ZNF679: variants seen among roughly 807,000 people sequenced by gnomAD.
ZNF679 encodes the protein zinc finger protein 679.
A neutral mutation model predicts 13.4 loss-of-function variants in ZNF679; 10 were observed. The ratio of observed to expected loss-of-function variants is 0.75; its 90% CI spans 0.46 to 1.27. ZNF679 has a LOEUF of 1.27. Among genes scored for constraint, ZNF679 ranks in the 50% most tolerant of loss-of-function variants. The pLI is 0.00. For missense variants in ZNF679, 525 were observed against 477.8 expected (o/e 1.10, Z -0.92); for synonymous variants, 179 against 162.5 (o/e 1.10, Z -0.77).
At chr7:64,241,724 G>A (rs1037522139) in intron 1 of ZNF679, among the ~76,000 whole-genome samples, 1 of 152,178 alleles carries the variant, frequency 6.6e-6, no homozygotes, top group African/African-American at 2.4e-5. Flanking sequence ...TAGGACCCAG[G>A]CCGAAAAAGA....
At chr7:64,245,421 AAG>A (rs372896063) in intron 1 of ZNF679, among the ~76,000 whole-genome samples, 28 of 81,196 alleles carry the variant, frequency 3.4e-4, no homozygotes, top group South Asian at 6.7e-4. Flanking sequence ...GAGAGAGAGA[AAG>A]AGAGAGAGAG....
chr7:64,232,983 G>A (rs1387269061), intron 1 of ZNF679, among the ~76,000 whole-genome samples: 4 of 152,218 alleles, frequency 2.6e-5, no homozygotes, highest in Non-Finnish European at 4.4e-5. Context: ...GTTCACCCCT[G>A]TAATCCTGGC....
At chr7:64,260,116 C>A in intron 2 of ZNF679, 105 bp from the exon 3 acceptor site, 1 of 1,027,938 alleles carries the variant, frequency 9.7e-7, no homozygotes, top group East Asian at 2.6e-5. Flanking sequence ...AGAAACACTT[C>A]TTTTTACTCT....
intron 4 of ZNF679, among the ~76,000 whole-genome samples, chr7:64,262,990 AGT>A (rs1460270404): frequency 2.0e-5 from 3 of 152,162 alleles, no homozygotes; most frequent in East Asian, 1.9e-4. Flanking sequence ...TACATTGAAA[AGT>A]GTGTTTATTT....
At chr7:64,265,711 C>A (rs1262751176) in intron 4 of ZNF679, among the ~76,000 whole-genome samples, 185 bp from the exon 5 acceptor site, 1 of 152,086 alleles carries the variant, frequency 6.6e-6, no homozygotes, top group Non-Finnish European at 1.5e-5. Context: ...TTATAAATTT[C>A]CAGCAAAGGT....
chr7:64,235,596 T>C (rs779180264), intron 1 of ZNF679, among the ~76,000 whole-genome samples: 5 of 151,432 alleles, frequency 3.3e-5, no homozygotes, highest in African/African-American at 4.9e-5. Flanking sequence ...CAAGACCAGG[T>C]TGCCCAAAAT....
At chr7:64,252,479 G>A (rs1450281154) in intron 2 of ZNF679, among the ~76,000 whole-genome samples, 2 of 152,096 alleles carry the variant, frequency 1.3e-5, no homozygotes, top group Non-Finnish European at 2.9e-5. Context: ...GTTTTCTCAG[G>A]TGTGTTATTT....
rs759132281 is a variant in ZNF679 at position 64,266,826 on chromosome 7, A to G, written c.1193A>G (p.His398Arg). The G allele has an allele frequency of 6.3e-6, 10 of 1,597,792 alleles. No homozygotes were observed. The highest frequency in any genetic ancestry group is 2.3e-5 in the East Asian group (1 of 43,900). Residue 398 changes from histidine to arginine, a missense_variant, in exon 5 of 5, where the codon CAT becomes CGT. His to Arg is a conservative substitution (Grantham distance 29). Coordinates refer to ENST00000421025, the MANE Select transcript of ZNF679 (RefSeq NM_153363.3). ...AAGTGGTCCTCAAGTCTTGCTAATC[A>G]TAAGAGTATGCATACTGGAGAGAAA... The part of the protein sequence containing the change: ...AFKWSSSLAN[H>R]KSMHTGEKPY...
intron 1 of ZNF679, among the ~76,000 whole-genome samples, chr7:64,231,583 T>C (rs1228207648): frequency 2.0e-5 from 3 of 152,188 alleles, no homozygotes; most frequent in Non-Finnish European, 4.4e-5. Context: ...CAATCTTCAG[T>C]GGGGCTTGGC....
intron 4 of ZNF679, 92 bp downstream of exon 4, chr7:64,261,021 G>T: frequency 7.6e-7 from 1 of 1,313,244 alleles, no homozygotes; most frequent in Non-Finnish European, 1.0e-6. Flanking sequence ...GGGGAGATGT[G>T]CTTCCATGGA....
chr7:64,229,984 T>C (rs1787615246), intron 1 of ZNF679, among the ~76,000 whole-genome samples: 1 of 152,168 alleles, frequency 6.6e-6, no homozygotes, highest in Admixed American at 6.5e-5. Context: ...CGCTTAAATG[T>C]TGGGCCCAGA....
At position 64,266,166 on chromosome 7, in the gene ZNF679, A is replaced by C; in HGVS notation, c.533A>C (p.His178Pro). The stretch of plus-strand genomic sequence containing the variant: ...AATTCCAATAGACATAAGACAAGAC[A>C]TACTGGAAAGAAACATTTCAAATGT... Reference protein sequence around the residue: ...FSNSNRHKTRHTGKKHFKCKK... With the variant: ...FSNSNRHKTRPTGKKHFKCKK... Residue 178 changes from histidine (H) to proline (P), a missense_variant, in exon 5 of 5, where the codon CAT becomes CCT. By Grantham distance (77) the His-to-Pro change is moderately conservative (BLOSUM62 -2). Transcript: ENST00000421025. The C allele has an allele frequency of 6.2e-7, 1 of 1,600,244 alleles. No individual in the cohort carries two copies. Among genetic ancestry groups the C allele is most frequent in the Non-Finnish European group, 8.5e-7 (1 of 1,171,848 alleles).
intron 2 of ZNF679, among the ~76,000 whole-genome samples, chr7:64,251,267 C>G (rs1260506898): frequency 1.3e-5 from 2 of 152,070 alleles, no homozygotes; most frequent in African/African-American, 4.8e-5. Context: ...GCCTGGCCAA[C>G]ATGATGAAAC....
At chr7:64,247,822 A>G (rs1787888428) in intron 1 of ZNF679, among the ~76,000 whole-genome samples, 2 of 151,108 alleles carry the variant, frequency 1.3e-5, no homozygotes, top group Admixed American at 1.3e-4. Context: ...AAGTGCAGGG[A>G]TTACAACCGT....
intron 2 of ZNF679, among the ~76,000 whole-genome samples, chr7:64,250,008 A>C (rs923366191): frequency 5.9e-5 from 9 of 151,838 alleles, no homozygotes; most frequent in African/African-American, 1.9e-4. Context: ...TGCCTGGCTA[A>C]TTTTTGTATT....
chr7:64,248,511 A>T (rs1435029075), intron 1 of ZNF679, among the ~76,000 whole-genome samples: 5 of 151,628 alleles, frequency 3.3e-5, no homozygotes, highest in African/African-American at 1.2e-4. Flanking sequence ...CCAACTCCTG[A>T]CCTCATTATC....
chr7:64,238,373 G>A (rs1223130930), intron 1 of ZNF679, among the ~76,000 whole-genome samples: 3 of 151,978 alleles, frequency 2.0e-5, no homozygotes, highest in Non-Finnish European at 4.4e-5. Flanking sequence ...TATTATGTTT[G>A]GTGCTTCCCC....
intron 1 of ZNF679, among the ~76,000 whole-genome samples, chr7:64,246,759 AAAGGAAGGAAGGAGGG>A (rs917724392): frequency 3.3e-5 from 5 of 150,870 alleles, no homozygotes; most frequent in Non-Finnish European, 5.9e-5. Flanking sequence ...AAAGAGAAAG[AAAGGAAGGAAGGAGGG>A]AAGGAAGGAA....
rs1787903466 is a variant in ZNF679 at position 64,248,878 on chromosome 7, C to T, written c.-90-150C>T. 3 of 603,682 alleles carry T rather than the reference C, an allele frequency of 5.0e-6. No individual in the cohort carries two copies. In the South Asian group the frequency reaches 6.1e-5, roughly 12 times the overall value. The allele number at this position is 603,682 out of a possible 1,614,324, so 37.4% of individuals were successfully genotyped here. On this transcript the variant is annotated intron_variant, in intron 1 of 4. Transcript: ENST00000421025. ...CTTTGTTTAGCCCAGTGTCTGATCA[C>T]ATTTTTCGTCACTCAGGGCGTGAAG...
Sources: gnomAD v4.1 joint callset for allele counts (sites outside exome capture counted in the v4.1 genomes callset) on GRCh38, gnomAD v4.1.1 for gene constraint, MANE v1.5 for transcripts, NCBI Gene and HGNC (gene_info 2026-07-23, HGNC 2026-07-21) for gene names.